FER: variants seen among roughly 807,000 people sequenced by gnomAD.
FER encodes the protein FER tyrosine kinase, also known as tyrosine-protein kinase Fer.
FER carries 63 observed loss-of-function variants against 111.0 expected under a neutral mutation model. The observed-to-expected ratio is 0.57, with a 90% CI of 0.46 to 0.70. The LOEUF is 0.70. FER is among the 30% of genes least tolerant of loss of function. The pLI is 0.00. For missense variants in FER, 914 were observed against 954.0 expected, an observed-to-expected ratio of 0.96 and a Z score of 0.55; for synonymous variants, 327 against 313.9, an observed-to-expected ratio of 1.04 and a Z score of -0.44.
intron 10 of FER, among the ~76,000 whole-genome samples, chr5:108,900,459 A>T (rs1749845316): frequency 6.6e-6 from 1 of 152,270 alleles, no homozygotes; most frequent in African/African-American, 2.4e-5. Flanking sequence ...TGGAATTCAC[A>T]TAAGTGGTTC....
At chr5:109,095,459 C>A (rs1247424545) in intron 16 of FER, among the ~76,000 whole-genome samples, 1 of 152,056 alleles carries the variant, frequency 6.6e-6, no homozygotes, top group East Asian at 1.9e-4. Context: ...GCAACTAGAG[C>A]CCTCTCCTGG....
At chr5:108,798,784 G>T (rs1308849787) in intron 3 of FER, among the ~76,000 whole-genome samples, 1 of 152,104 alleles carries the variant, frequency 6.6e-6, no homozygotes, top group Non-Finnish European at 1.5e-5. Context: ...TTAGATCAAG[G>T]CTGCAGTGAG....
intron 17 of FER, among the ~76,000 whole-genome samples, chr5:109,148,139 C>T (rs1754441556): frequency 6.6e-6 from 1 of 151,724 alleles, no homozygotes; most frequent in African/African-American, 2.4e-5. Flanking sequence ...GTTCACTTAC[C>T]TGGGATATAA....
chr5:109,051,838 A>G lies in FER; in HGVS notation c.1924+4640A>G, dbSNP rs1283513316. 8 of 1,596,616 alleles carry G rather than the reference A, an allele frequency of 5.0e-6. No homozygotes were observed. The South Asian group carries it at 7.7e-5, about 15-fold the overall frequency. ...CACCACCAGCATGAAGATGATGAAG[A>G]TGGTTTTCTCCATGGGGCAAGAGAG... is the stretch of plus-strand genomic sequence containing the variant. On this transcript the variant is annotated intron_variant, in intron 16 of 19. Coordinates refer to ENST00000281092, the MANE Select transcript of FER (RefSeq NM_005246.4).
intron 16 of FER, among the ~76,000 whole-genome samples, chr5:109,098,396 G>A (rs1354470829): frequency 6.6e-6 from 1 of 151,610 alleles, no homozygotes; most frequent in East Asian, 1.9e-4. Context: ...AAAAGTATCA[G>A]GATTCTACAG....
intron 2 of FER, among the ~76,000 whole-genome samples, chr5:108,776,175 C>T (rs1453707205): frequency 2.6e-5 from 4 of 152,026 alleles, no homozygotes; most frequent in Admixed American, 2.0e-4. Flanking sequence ...TATTGAATTT[C>T]CTTCTAGTTA....
At chr5:109,185,852 A>G (rs1179170689) in intron 18 of FER, among the ~76,000 whole-genome samples, 1 of 152,232 alleles carries the variant, frequency 6.6e-6, no homozygotes, top group African/African-American at 2.4e-5. Flanking sequence ...TCATCATTCC[A>G]TGATCATAGG....
At chr5:109,130,292 A>T (rs1199950900) in intron 17 of FER, among the ~76,000 whole-genome samples, 1 of 151,976 alleles carries the variant, frequency 6.6e-6, no homozygotes, top group African/African-American at 2.4e-5. Context: ...TCACATTTTG[A>T]TGTTTAAGAG....
intron 10 of FER, among the ~76,000 whole-genome samples, chr5:108,925,603 A>G (rs1753626664): frequency 6.6e-6 from 1 of 151,950 alleles, no homozygotes; most frequent in African/African-American, 2.4e-5. Context: ...CTTTTTTCAG[A>G]TTCACTATAT....
At chr5:108,796,742 G>A (rs1431033946) in intron 2 of FER, among the ~76,000 whole-genome samples, 1 of 152,004 alleles carries the variant, frequency 6.6e-6, no homozygotes, top group Non-Finnish European at 1.5e-5. Flanking sequence ...GTGAATGCTG[G>A]CAGTCCTGGG....
intron 10 of FER, among the ~76,000 whole-genome samples, chr5:108,913,515 G>A (rs973726201): frequency 6.6e-6 from 1 of 152,168 alleles, no homozygotes; most frequent in African/African-American, 2.4e-5. Flanking sequence ...TTGGCATACT[G>A]TGTTATTTAA....
rs568392769 is a variant in FER at position 108,792,584 on chromosome 5, G to A, written c.-59-5540G>A. ...ACTCCTGACCTCAGGTGATCCACCT[G>A]CCTCAGCCTCCCAAAGTGCTGGGAT... On this transcript the variant is annotated intron_variant, in intron 2 of 19. Transcript: ENST00000281092. Among the ~76,000 whole-genome samples the A allele has an allele frequency of 7.8e-4, 119 of 152,056 alleles. 1 individual carries two copies. Among genetic ancestry groups the A allele is most frequent in the African/African-American group, 2.6e-3 (107 of 41,514 alleles).
intron 2 of FER, among the ~76,000 whole-genome samples, chr5:108,775,255 C>G (rs1753364756): frequency 6.6e-6 from 1 of 152,148 alleles, no homozygotes; most frequent in Non-Finnish European, 1.5e-5. Flanking sequence ...GTCTATATAT[C>G]TGTTTTGGTA....
intron 2 of FER, chr5:108,784,207 C>T (rs571002675): frequency 6.5e-6 from 1 of 153,510 alleles, no homozygotes; most frequent in South Asian, 2.0e-4. Context: ...CCTCTCAAGA[C>T]AAGAGCATCA....
At chr5:109,098,256 A>C (rs2150060397) in intron 16 of FER, among the ~76,000 whole-genome samples, 1 of 151,904 alleles carries the variant, frequency 6.6e-6, no homozygotes, top group South Asian at 2.1e-4. Context: ...ATATTTGGTA[A>C]TTTGTTGAAT....
intron 2 of FER, among the ~76,000 whole-genome samples, chr5:108,770,271 G>T (rs1175540035): frequency 2.0e-5 from 3 of 152,062 alleles, no homozygotes; most frequent in Admixed American, 1.3e-4. Context: ...AATTAATTAT[G>T]AGTTGAATTT....
intron 13 of FER, among the ~76,000 whole-genome samples, chr5:108,986,430 G>GC (rs1762585424): frequency 6.6e-6 from 1 of 151,516 alleles, no homozygotes; most frequent in Non-Finnish European, 1.5e-5. Context: ...CTTTTTCTGT[G>GC]CAGAAGCTTT....
intron 10 of FER, among the ~76,000 whole-genome samples, chr5:108,907,700 C>G (rs1245777508): frequency 1.3e-5 from 2 of 152,008 alleles, no homozygotes; most frequent in Admixed American, 1.3e-4. Context: ...CAGAAAATTG[C>G]AATAAACAAA....
At chr5:108,839,621 A>G (rs868433411) in intron 5 of FER, among the ~76,000 whole-genome samples, 2 of 120,316 alleles carry the variant, frequency 1.7e-5, no homozygotes, top group South Asian at 2.7e-4. Flanking sequence ...TCTGCCTCCC[A>G]GGCTGGAGTG....
Sources: allele counts gnomAD v4.1 joint callset (sites outside exome capture counted in the v4.1 genomes callset), GRCh38; gene constraint gnomAD v4.1.1; transcripts MANE v1.5; gene names NCBI Gene and HGNC (gene_info 2026-07-23, HGNC 2026-07-21).